PLCG2: variants seen among roughly 807,000 people sequenced by gnomAD.
PLCG2 encodes 1-phosphatidylinositol 4,5-bisphosphate phosphodiesterase gamma-2.
PLCG2 carries 69 observed loss-of-function variants against 175.6 expected under a neutral mutation model. The observed-to-expected ratio is 0.39, with a 90% CI of 0.32 to 0.48. The LOEUF is 0.48. Among genes scored for constraint, PLCG2 ranks in the 20% least tolerant of loss-of-function variants. PLCG2 has a pLI of 0.91. For synonymous variants in PLCG2, 827 were observed against 624.0 expected, an observed-to-expected ratio of 1.33 and a Z score of -4.85; for missense variants, 1,798 against 1,650.9, an observed-to-expected ratio of 1.09 and a Z score of -1.54.
chr16:81,912,560 C>G, intron 18 of PLCG2, 37 bp from the exon 19 acceptor site: 3 of 1,608,502 alleles, frequency 1.9e-6, no homozygotes, highest in Non-Finnish European at 2.5e-6. Flanking sequence ...GCCTGGAGAC[C>G]GCTCACCTGG....
intron 2 of PLCG2, among the ~76,000 whole-genome samples, chr16:81,767,181 A>C (rs948097449): frequency 1.7e-5 from 2 of 115,338 alleles, no homozygotes. Flanking sequence ...GTCTCGATCT[A>C]TCACCCACGC....
chr16:81,802,144 G>A (rs1298391401), intron 2 of PLCG2, among the ~76,000 whole-genome samples: 2 of 89,426 alleles, frequency 2.2e-5, no homozygotes, highest in African/African-American at 4.1e-5. Flanking sequence ...GACGGATCTC[G>A]CTCTTTCGCC....
In PLCG2 at chr16:81,959,671, G is replaced by C. The variant is rs1267993530; in HGVS notation, c.*1673G>C. On this transcript the variant is annotated 3_prime_UTR_variant, in exon 33 of 33. Transcript: ENST00000564138. ...AGAAAGAACATTCCTCTTAGTGGCA[G>C]ATGTTCAAAGCAACTTTCAAGAAAG... is the stretch of plus-strand genomic sequence containing the variant. The C allele has an allele frequency of 2.7e-5, 5 of 186,792 alleles. No individual in the cohort carries two copies. Among genetic ancestry groups the C allele is most frequent in the African/African-American group, 9.3e-5 (4 of 42,840 alleles). 11.6% of individuals were successfully genotyped at this position (186,792 alleles called of 1,614,324 possible). A position where few individuals can be genotyped will look rare whatever the true frequency, so the allele number is the denominator to read the frequency against.
At chr16:81,954,222 T>C (rs1911476438) in intron 31 of PLCG2, among the ~76,000 whole-genome samples, 1 of 152,140 alleles carries the variant, frequency 6.6e-6, no homozygotes, top group African/African-American at 2.4e-5. Context: ...AGGGTCCCGC[T>C]ATGTTGCCCA....
upstream of PLCG2, among the ~76,000 whole-genome samples, chr16:81,778,077 C>CAAA (rs761945210): frequency 0.043 from 4,019 of 93,962 alleles, 496 homozygotes; most frequent in East Asian, 0.053. Flanking sequence ...AAAACACACA[C>CAAA]ACACAAAAAA....
intron 1 of PLCG2, among the ~76,000 whole-genome samples, chr16:81,748,277 C>G (rs1909742889): frequency 6.6e-6 from 1 of 152,108 alleles, no homozygotes; most frequent in Non-Finnish European, 1.5e-5. Flanking sequence ...ATAATCCCAG[C>G]TACTCAGGAG....
At chr16:81,947,458 A>C (rs1326785097) in intron 31 of PLCG2, among the ~76,000 whole-genome samples, 1 of 152,200 alleles carries the variant, frequency 6.6e-6, no homozygotes, top group Non-Finnish European at 1.5e-5. Context: ...TTGGAAGCCG[A>C]GCTGAATTGC....
At chr16:81,945,779 T>C (rs1911127107) in intron 30 of PLCG2, among the ~76,000 whole-genome samples, 1 of 152,234 alleles carries the variant, frequency 6.6e-6, no homozygotes, top group African/African-American at 2.4e-5. Flanking sequence ...TCCCTGGTCC[T>C]GTGCTTTGTA....
chr16:81,777,807 G>A (rs1191696152), upstream of PLCG2, among the ~76,000 whole-genome samples: 1 of 151,868 alleles, frequency 6.6e-6, no homozygotes, highest in Non-Finnish European at 1.5e-5. Flanking sequence ...CTTGAGGTCA[G>A]GAGTTTGAGA....
intron 1 of PLCG2, among the ~76,000 whole-genome samples, chr16:81,742,767 G>T (rs555384137): frequency 1.3e-5 from 2 of 152,158 alleles, no homozygotes; most frequent in Non-Finnish European, 2.9e-5. Context: ...GTGAACAGGG[G>T]CCGGGAGCCT....
intron 1 of PLCG2, among the ~76,000 whole-genome samples, chr16:81,752,745 G>A (rs1481892233): frequency 6.6e-6 from 1 of 152,198 alleles, no homozygotes; most frequent in Admixed American, 6.5e-5. Context: ...GCACGGCCAG[G>A]GCCCTCAGGG....
chr16:81,914,248 C>G (rs1464600894), intron 19 of PLCG2, among the ~76,000 whole-genome samples: 1 of 152,240 alleles, frequency 6.6e-6, no homozygotes, highest in African/African-American at 2.4e-5. Flanking sequence ...AGCTCTGACA[C>G]AACCGGATCG....
intron 8 of PLCG2, among the ~76,000 whole-genome samples, chr16:81,881,573 A>G (rs761626854): frequency 2.6e-5 from 4 of 152,378 alleles, no homozygotes; most frequent in South Asian, 2.1e-4. Flanking sequence ...TCGGTGAGCA[A>G]CTTTTCCCTC....
chr16:81,837,043 G>A (rs75215849), intron 2 of PLCG2, among the ~76,000 whole-genome samples: 1 of 152,150 alleles, frequency 6.6e-6, no homozygotes, highest in Non-Finnish European at 1.5e-5. Flanking sequence ...CTCAACATCA[G>A]TTACAACTCT....
rs116842314 is a variant in PLCG2 at position 81,768,818 on chromosome 16, C to T, written c.-48+12852C>T. ...CTGACCTCAGGTGATTCATGCACCT[C>T]GGCCTCCCAAAGTACTGGGATTACA... On this transcript the variant is annotated intron_variant, in intron 2 of 5. Coordinates refer to the PLCG2 transcript ENST00000565054. 6.5e-3 allele frequency among the ~76,000 whole-genome samples: 993 copies of T among 152,246 alleles called. 4 individuals carry two copies. Among genetic ancestry groups the T allele is most frequent in the Non-Finnish European group, 1.0e-2 (679 of 68,028 alleles).
At chr16:81,838,608 A>AG (rs1491509597) in intron 2 of PLCG2, among the ~76,000 whole-genome samples, 1 of 150,250 alleles carries the variant, frequency 6.7e-6, no homozygotes, top group Non-Finnish European at 1.5e-5. Flanking sequence ...AGGGCCTGTC[A>AG]GGGGGTGGGG....
intron 13 of PLCG2, among the ~76,000 whole-genome samples, chr16:81,896,147 G>A (rs1056367093): frequency 4.6e-5 from 7 of 152,096 alleles, no homozygotes; most frequent in African/African-American, 1.7e-4. Context: ...CTAGAGCCCC[G>A]AGGAGGCTCT....
At chr16:81,817,124 A>T (rs996950103) in intron 2 of PLCG2, among the ~76,000 whole-genome samples, 4 of 152,142 alleles carry the variant, frequency 2.6e-5, no homozygotes, top group African/African-American at 7.2e-5. Flanking sequence ...GGTGAAGACA[A>T]AGCCCTCTCT....
At chr16:81,760,760 T>TAAAAAAA (rs55942382) in intron 2 of PLCG2, among the ~76,000 whole-genome samples, 3 of 139,582 alleles carry the variant, frequency 2.1e-5, no homozygotes, top group East Asian at 2.1e-4. Flanking sequence ...AAAAAAAAAA[T>TAAAAAAA]AATAATAATA....
Sources: allele counts gnomAD v4.1 joint callset (sites outside exome capture counted in the v4.1 genomes callset), GRCh38; gene constraint gnomAD v4.1.1; transcripts MANE v1.5; gene names NCBI Gene and HGNC (gene_info 2026-07-23, HGNC 2026-07-21).